Variants in PSPC1 observed in about 807,000 individuals in gnomAD.
PSPC1 encodes paraspeckle protein 1.
PSPC1 carries 14 observed loss-of-function variants against 51.6 expected under a neutral mutation model. The observed-to-expected ratio is 0.27, with a 90% CI of 0.18 to 0.42. The LOEUF is 0.42. Ranked by LOEUF, PSPC1 falls within the 10% of genes least tolerant of loss-of-function variation. PSPC1 has a pLI of 1.00. For missense variants in PSPC1, 406 were observed against 701.1 expected, an observed-to-expected ratio of 0.58 and a Z score of 4.75; for synonymous variants, 193 against 231.9, an observed-to-expected ratio of 0.83 and a Z score of 1.53.
downstream of PSPC1, chr13:19,672,762 A>G (rs1041154856): frequency 1.1e-5 from 2 of 176,276 alleles, no homozygotes; most frequent in Non-Finnish European, 2.4e-5. Context: ...AGATGTAGTA[A>G]GAATGTAAAC....
At chr13:19,730,383 T>A in intron 5 of PSPC1, 39 bp from the exon 6 acceptor site, 1 of 1,550,702 alleles carries the variant, frequency 6.4e-7, no homozygotes, top group Non-Finnish European at 8.9e-7. Context: ...CATCATAACA[T>A]GTGGGCTGCC....
chr13:19,746,497 G>C (rs1885999919), intron 4 of PSPC1, among the ~76,000 whole-genome samples: 1 of 152,104 alleles, frequency 6.6e-6, no homozygotes, highest in Non-Finnish European at 1.5e-5. Flanking sequence ...GGCTGAGGCG[G>C]GCAGATCACT....
chr13:19,726,737 A>G (rs1300753765), intron 6 of PSPC1, among the ~76,000 whole-genome samples: 1 of 152,178 alleles, frequency 6.6e-6, no homozygotes, highest in East Asian at 1.9e-4. Context: ...AAAGAAAAAA[A>G]ATGTTTTACA....
At chr13:19,712,224 T>C (rs1881532793) in intron 6 of PSPC1, among the ~76,000 whole-genome samples, 1 of 152,180 alleles carries the variant, frequency 6.6e-6, no homozygotes. Context: ...ATTTTTACTT[T>C]TGAATTTGTC....
intron 6 of PSPC1, among the ~76,000 whole-genome samples, chr13:19,693,650 A>G (rs1282178453): frequency 1.3e-5 from 2 of 152,226 alleles, no homozygotes; most frequent in Non-Finnish European, 1.5e-5. Context: ...AATGTTATGG[A>G]TAGTATCAAG....
chr13:19,685,673 GCAGATTCT>G (rs1036837054), intron 6 of PSPC1, among the ~76,000 whole-genome samples: 3 of 152,172 alleles, frequency 2.0e-5, no homozygotes, highest in Non-Finnish European at 4.4e-5. Context: ...CAGGCAATGA[GCAGATTCT>G]CCAATCAAGA....
At chr13:19,685,688 AAG>A (rs1264390526) in intron 6 of PSPC1, among the ~76,000 whole-genome samples, 4 of 152,228 alleles carry the variant, frequency 2.6e-5, no homozygotes, top group Non-Finnish European at 5.9e-5. Flanking sequence ...TTCTCCAATC[AAG>A]AGGAGACTGG....
intron 4 of PSPC1, among the ~76,000 whole-genome samples, chr13:19,749,604 T>C (rs1215396092): frequency 6.6e-6 from 1 of 150,842 alleles, no homozygotes; most frequent in Non-Finnish European, 1.5e-5. Context: ...AATAACAACT[T>C]GCACATTTTC....
chr13:19,679,310 C>T (rs957485977), intron 6 of PSPC1, among the ~76,000 whole-genome samples: 2 of 151,776 alleles, frequency 1.3e-5, no homozygotes, highest in Admixed American at 1.3e-4. Flanking sequence ...GCCTAGACAA[C>T]ATGGCAAAGT....
downstream of PSPC1, chr13:19,672,661 A>G (rs1876201165): frequency 6.4e-6 from 1 of 156,576 alleles, no homozygotes; most frequent in Non-Finnish European, 1.4e-5. Flanking sequence ...GTTGCCACAC[A>G]TTCCCCAAGC....
At chr13:19,740,370 G>C (rs1054046625) in intron 5 of PSPC1, among the ~76,000 whole-genome samples, 148 of 151,928 alleles carry the variant, frequency 9.7e-4, no homozygotes, top group Non-Finnish European at 8.8e-5. Flanking sequence ...GAATTGGGTA[G>C]AGTAAAATCA....
At position 19,750,299 on chromosome 13, in the gene PSPC1, G is replaced by T. The variant is rs562553834; in HGVS notation, c.967+972C>A. Among the ~76,000 whole-genome samples the T allele has an allele frequency of 3.9e-3, 586 of 152,148 alleles. 4 individuals carry two copies. The highest frequency in any genetic ancestry group is 8.5e-3 in the South Asian group (41 of 4,818). On this transcript the variant is annotated intron_variant, in intron 4 of 8. Transcript: ENST00000338910. ...ACAAAAAAACTAGCCGGACATTGTGGTGTGTGCCTGTAATCCCAGCTACTC... is the reference window on the plus strand; with the variant it reads ...ACAAAAAAACTAGCCGGACATTGTGTTGTGTGCCTGTAATCCCAGCTACTC...
intron 2 of PSPC1, among the ~76,000 whole-genome samples, chr13:19,765,893 A>C (rs1388337859): frequency 6.6e-6 from 1 of 152,212 alleles, no homozygotes; most frequent in Non-Finnish European, 1.5e-5. Flanking sequence ...CAATGGAAAT[A>C]TTATAATGTT....
At chr13:19,774,096 T>G (rs1360102055) in intron 1 of PSPC1, among the ~76,000 whole-genome samples, 4 of 152,180 alleles carry the variant, frequency 2.6e-5, no homozygotes, top group African/African-American at 9.6e-5. Context: ...ACACTTACTA[T>G]AAACTAAAAA....
intron 4 of PSPC1, among the ~76,000 whole-genome samples, chr13:19,749,502 G>A (rs896414750): frequency 1.0e-4 from 15 of 150,090 alleles, no homozygotes; most frequent in Non-Finnish European, 1.9e-4. Context: ...ACTCCAGGCT[G>A]GGCGACAGAG....
At chr13:19,750,649 G>A (rs1665134561) in intron 4 of PSPC1, among the ~76,000 whole-genome samples, 1 of 152,032 alleles carries the variant, frequency 6.6e-6, no homozygotes, top group Non-Finnish European at 1.5e-5. Context: ...TATGTGCCAT[G>A]TCTACCTACC....
At chr13:19,767,468 T>C (rs1359614525) in intron 2 of PSPC1, among the ~76,000 whole-genome samples, 3 of 151,970 alleles carry the variant, frequency 2.0e-5, no homozygotes, top group Non-Finnish European at 2.9e-5. Context: ...TCCCAACCAA[T>C]AGCTGACAGC....
chr13:19,778,405 C>G lies in PSPC1; in HGVS notation c.372+3981G>C, dbSNP rs1370296826. Among the ~76,000 whole-genome samples the G allele has an allele frequency of 2.8e-5, 3 of 109,012 alleles. No individual in the cohort carries two copies. In the Admixed American group the frequency reaches 2.9e-4, roughly 10 times the overall value. 71.5% of individuals were successfully genotyped at this position (109,012 alleles called of 152,430 possible). The stretch of plus-strand genomic sequence containing the variant: ...CCTCCCCCTCCCCCTCCCTCTCCCT[C>G]TCCCCACGGTCTCCCTCTCATGCGG... On this transcript the variant is annotated intron_variant, in intron 1 of 8. Transcript: ENST00000338910.
intron 2 of PSPC1, among the ~76,000 whole-genome samples, chr13:19,765,523 C>CA (rs139397536): frequency 2.1e-5 from 3 of 143,912 alleles, no homozygotes; most frequent in Admixed American, 7.0e-5. Context: ...TTTTGAGAGA[C>CA]GGGTCTCACG....
Sources: allele counts gnomAD v4.1 joint callset (sites outside exome capture counted in the v4.1 genomes callset), GRCh38; gene constraint gnomAD v4.1.1; transcripts MANE v1.5; gene names NCBI Gene and HGNC (gene_info 2026-07-23, HGNC 2026-07-21).